The following PHF12 variants were observed in gnomAD, a reference collection of about 807,000 sequenced individuals.
PHF12 encodes PHD finger protein 12.
Under a neutral mutation model 99.8 loss-of-function variants are expected in PHF12, and 6 were observed. The ratio of observed to expected loss-of-function variants is 0.06; its 90% CI spans 0.03 to 0.12. The LOEUF is 0.12. PHF12 is among the 10% of genes least tolerant of loss of function. The probability of loss-of-function intolerance (pLI) is 1.00; values close to 1 mark genes in which losing one functional copy is unlikely to be tolerated. For missense variants in PHF12, 954 were observed against 1,300.1 expected (o/e 0.73, Z 4.09); for synonymous variants, 480 against 514.9 (o/e 0.93, Z 0.92).
At chr17:28,938,418 C>T (rs540646716) in intron 2 of PHF12, among the ~76,000 whole-genome samples, 6 of 152,150 alleles carry the variant, frequency 3.9e-5, no homozygotes, top group South Asian at 2.1e-4. Flanking sequence ...TTAGTAGAGA[C>T]GGGGTTTCAC....
rs946368134 is a variant in PHF12 at position 28,910,957 on chromosome 17, C to G, written c.2215+155G>C. 7.7e-6 allele frequency: 8 copies of G among 1,042,884 alleles called. No individual in the cohort carries two copies. The African/African-American group carries it at 9.7e-5, about 13-fold the overall frequency. 64.6% of individuals were successfully genotyped at this position (1,042,884 alleles called of 1,614,324 possible). On this transcript the variant is annotated intron_variant, in intron 10 of 14. Coordinates refer to ENST00000332830, the MANE Select transcript of PHF12 (RefSeq NM_001033561.2). Reference sequence around the variant, plus strand: ...GAAGGAGCTTTCTTTTTCACCCCGCCCCCCCATCCAAAAGGATACTCCTCA... The same window carrying G: ...GAAGGAGCTTTCTTTTTCACCCCGCGCCCCCATCCAAAAGGATACTCCTCA...
rs2040797681 is a variant in PHF12, at chr17:28,950,853, C to T, written c.66+42G>A. ...TTGTGGGGCGGAGGGCGGAGGTTCC[C>T]TCCCGGCGCTGGAGGAAGGAGATGA... On this transcript the variant is annotated intron_variant, in intron 1 of 14. Transcript: ENST00000332830. The surrounding 1 kb of genome is among the most constrained non-coding windows in gnomAD (Gnocchi z 5.7). The T allele has an allele frequency of 6.2e-7, 1 of 1,609,174 alleles. No individual in the cohort carries two copies. The highest frequency in any genetic ancestry group is 8.5e-7 in the Non-Finnish European group (1 of 1,176,976).
chr17:28,931,537 G>A (rs934844292), intron 2 of PHF12, among the ~76,000 whole-genome samples: 5 of 151,624 alleles, frequency 3.3e-5, no homozygotes, highest in Non-Finnish European at 5.9e-5. Context: ...GATTACAGGC[G>A]TGAGCCACTG....
chr17:28,944,219 TAGTG>T (rs898278148), intron 2 of PHF12, among the ~76,000 whole-genome samples: 1 of 152,182 alleles, frequency 6.6e-6, no homozygotes, highest in African/African-American at 2.4e-5. Context: ...GTAAAGTACT[TAGTG>T]AGCCTTAAGG....
Position 28,912,623 on chromosome 17 carries a change from T to A in PHF12, c.1948A>T (p.Ile650Leu). 6.2e-7 allele frequency: 1 copy of A among 1,614,196 alleles called. No individual in the cohort carries two copies. Among genetic ancestry groups the A allele is most frequent in the South Asian group, 1.1e-5 (1 of 91,080 alleles). Residue 650 changes from isoleucine (I) to leucine (L), a missense_variant, in exon 9 of 15, where the codon ATA becomes TTA. Ile to Leu is a conservative substitution (Grantham distance 5, BLOSUM62 2). Coordinates refer to ENST00000332830, the MANE Select transcript of PHF12 (RefSeq NM_001033561.2). ...TLQRKTVQSQ[I>L]GPPLTDSRPL... ...CTTGAATCTGTCAACGGAGGTCCTA[T>A]CTGTGATTGGACAGTCTTTCTTTGC...
In PHF12 at chr17:28,912,942, T is replaced by C; in HGVS notation, c.1629A>G (p.Thr543=). Residue 543 remains threonine, a synonymous_variant, in exon 9 of 15, where the codon ACA becomes ACG. Coordinates refer to ENST00000332830, the MANE Select transcript of PHF12 (RefSeq NM_001033561.2). ...GGTGTGGGCCATTAGCTTTCACCTC[T>C]GTGTTCACTGGCCCATTGGCAGTCC... is the stretch of plus-strand genomic sequence containing the variant. ...PCGTANGPVN[T]EVKANGPHLY... 1 of 1,614,254 alleles carries C rather than the reference T, an allele frequency of 6.2e-7. No individual in the cohort carries two copies. The highest frequency in any genetic ancestry group is 1.7e-5 in the Admixed American group (1 of 60,034).
chr17:28,925,529 T>C (rs1598140484), intron 3 of PHF12: 1 of 152,134 alleles, frequency 6.6e-6, no homozygotes, highest in Admixed American at 6.6e-5. Flanking sequence ...TAGGCAGAGG[T>C]CCATGTGAAA....
chr17:28,940,166 C>T (rs1340525243), intron 2 of PHF12, among the ~76,000 whole-genome samples: 1 of 152,210 alleles, frequency 6.6e-6, no homozygotes, highest in Non-Finnish European at 1.5e-5. Context: ...AAGAAATTTT[C>T]ACCTTGTGTC....
intron 13 of PHF12, 100 bp from the exon 14 acceptor site, chr17:28,907,094 G>A (rs1249401910): frequency 1.5e-6 from 2 of 1,369,776 alleles, no homozygotes; most frequent in African/African-American, 1.5e-5. Flanking sequence ...ACTCTACCTA[G>A]AGAGTCCTTA....
Position 28,951,113 on chromosome 17 carries a change from G to A in PHF12, c.-153C>T. On this transcript the variant is annotated 5_prime_UTR_variant, in exon 1 of 15. Transcript: ENST00000332830. ...TCGCCCTGGCTCCCCCCCACCCCCC[G>A]GCCCCCAGTCCCCGGGACGACAGCG... The A allele has an allele frequency of 1.0e-6, 1 of 982,008 alleles. No homozygotes were observed. Among genetic ancestry groups the A allele is most frequent in the Non-Finnish European group, 1.5e-6 (1 of 676,352 alleles). 60.8% of individuals were successfully genotyped at this position (982,008 alleles called of 1,614,324 possible).
In PHF12 at chr17:28,950,935, G is replaced by A; in HGVS notation, c.26C>T (p.Thr9Met). 2 of 1,613,964 alleles carry A rather than the reference G, an allele frequency of 1.2e-6. No homozygotes were observed. Among genetic ancestry groups the A allele is most frequent in the Non-Finnish European group, 1.7e-6 (2 of 1,179,920 alleles). ...TGATGTGTCCAAGTCGTACACGATC[G>A]TCTTGGTCTCCATTTTCTCCCACAT... MWEKMETKTIVYDLDTSGG... is the reference protein window; with the variant it reads MWEKMETKMIVYDLDTSGG... The change falls in exon 1 of 15, where the codon ACG (threonine) becomes ATG (methionine). Residue 9 changes from threonine (T) to methionine (M), a missense_variant. By Grantham distance (81) the Thr-to-Met change is moderately conservative. Transcript: ENST00000332830. The surrounding 1 kb of genome is among the most constrained non-coding windows in gnomAD (Gnocchi z 5.7).
chr17:28,947,810 G>A (rs1280905881), intron 2 of PHF12, among the ~76,000 whole-genome samples: 3 of 151,616 alleles, frequency 2.0e-5, no homozygotes, highest in African/African-American at 7.3e-5. Context: ...TTCAAAGGGA[G>A]AATTGGAGAT....
chr17:28,916,399 T>C (rs756243353), intron 7 of PHF12, among the ~76,000 whole-genome samples: 2 of 152,234 alleles, frequency 1.3e-5, no homozygotes, highest in Non-Finnish European at 2.9e-5. Context: ...TTTCACCACG[T>C]TGGTCAGGCT....
chr17:28,950,188 T>C lies in PHF12; in HGVS notation c.125A>G (p.Lys42Arg). 1 of 1,613,416 alleles carries C rather than the reference T, an allele frequency of 6.2e-7. No individual in the cohort carries two copies. The highest frequency in any genetic ancestry group is 2.2e-5 in the East Asian group (1 of 44,842). Residue 42 changes from lysine (K) to arginine (R), a missense_variant, in exon 2 of 15, where the codon AAG becomes AGG. Physicochemically the swap from Lys to Arg is conservative, Grantham distance 26. Transcript: ENST00000332830. The surrounding 1 kb of genome is among the most constrained non-coding windows in gnomAD (Gnocchi z 5.7). ...KTDEAEKRSR[K>R]PEKEPRRSGR... ...GCTTCTCCGGGGCTCCTTCTCAGGC[T>C]TCCGACTGCGCTTTTCTGCCTCGTC...
intron 2 of PHF12, among the ~76,000 whole-genome samples, chr17:28,937,760 C>T (rs2040535357): frequency 6.6e-6 from 1 of 152,206 alleles, no homozygotes; most frequent in Non-Finnish European, 1.5e-5. Flanking sequence ...AGCTGAGCCT[C>T]AGTCTCAAGG....
chr17:28,943,409 C>A (rs1451950630), intron 2 of PHF12, among the ~76,000 whole-genome samples: 1 of 152,132 alleles, frequency 6.6e-6, no homozygotes, highest in Non-Finnish European at 1.5e-5. Flanking sequence ...GTGGGTGGAT[C>A]ACTTGAGGTC....
intron 10 of PHF12, chr17:28,910,830 C>A: frequency 2.4e-6 from 1 of 418,892 alleles, no homozygotes. Context: ...TCCAGGTGAT[C>A]TGCCTAAAGT....
In PHF12 at chr17:28,913,979, G is replaced by T; in HGVS notation, c.1193C>A (p.Ala398Asp). 2 of 1,613,772 alleles carry T rather than the reference G, an allele frequency of 1.2e-6. No individual in the cohort carries two copies. Among genetic ancestry groups the T allele is most frequent in the Non-Finnish European group, 1.7e-6 (2 of 1,179,704 alleles). The change falls in exon 8 of 15, where the codon GCC (alanine) becomes GAC (aspartate). Residue 398 changes from alanine (A) to aspartate (D), a missense_variant. Around this residue, in one of 8 missense-constraint regions of PHF12, gnomAD observed 392 missense variants for 423.1 expected, o/e 0.93. Coordinates refer to ENST00000332830, the MANE Select transcript of PHF12 (RefSeq NM_001033561.2). ...GCAGATCAGCTCCCCGTCCCGAATG[G>T]CCGCGGGTGCAATGAGAGGGGGTGG... ...QFPPPLIAPA[A>D]IRDGELICNG...
chr17:28,926,056 A>G (rs1254497847), intron 3 of PHF12: 2 of 152,320 alleles, frequency 1.3e-5, no homozygotes, highest in Non-Finnish European at 2.9e-5. Flanking sequence ...GAGAAATTTA[A>G]CTACAGCTGT....
Sources: allele counts gnomAD v4.1 joint callset (sites outside exome capture counted in the v4.1 genomes callset), GRCh38; gene constraint gnomAD v4.1.1; regional missense constraint gnomAD v4.1.1; non-coding constraint Gnocchi (gnomAD v3.1); transcripts MANE v1.5; gene names NCBI Gene and HGNC (gene_info 2026-07-23, HGNC 2026-07-21).